Variants in ANKRD55 observed in about 807,000 individuals in gnomAD.
The protein encoded by ANKRD55 is ankyrin repeat domain-containing protein 55.
ANKRD55 carries 41 observed loss-of-function variants against 60.6 expected under a neutral mutation model. The ratio of observed to expected loss-of-function variants is 0.68; its 90% CI spans 0.53 to 0.88. The LOEUF (loss-of-function observed/expected upper bound fraction) is 0.88, where lower values mean the gene tolerates loss of function less well. Among genes scored for constraint, ANKRD55 ranks in the 40% least tolerant of loss-of-function variants. The pLI is 0.00. For synonymous variants in ANKRD55, 264 were observed against 290.3 expected, an observed-to-expected ratio of 0.91 and a Z score of 0.92; for missense variants, 732 against 767.6, an observed-to-expected ratio of 0.95 and a Z score of 0.55.
chr5:56,216,296 C>G (rs1759806343), intron 2 of ANKRD55, among the ~76,000 whole-genome samples: 1 of 152,090 alleles, frequency 6.6e-6, no homozygotes, highest in African/African-American at 2.4e-5. Context: ...TCTCTGACTG[C>G]TCCACTGACC....
intron 7 of ANKRD55, chr5:56,137,520 G>T (rs1757639017): frequency 1.3e-6 from 1 of 774,576 alleles, no homozygotes; most frequent in Non-Finnish European, 2.3e-6. Context: ...AAAACTTATG[G>T]CACGAGAGTA....
Position 56,226,481 on chromosome 5 carries a change from T to C in ANKRD55, c.58+6375A>G, listed in dbSNP as rs373036385. Among the ~76,000 whole-genome samples the C allele has an allele frequency of 9.4e-4, 142 of 151,336 alleles. 3 individuals are homozygous for C. In the Middle Eastern group the frequency reaches 0.027, roughly 29 times the overall value. ...GGCAACAAAAGCCAAAATTGACAAA[T>C]GGGATCTAATTAAACTAGAGAGCTT... is the stretch of plus-strand genomic sequence containing the variant. On this transcript the variant is annotated intron_variant, in intron 2 of 11. Transcript: ENST00000341048.
rs185634416 is a variant in ANKRD55 at position 56,104,012 on chromosome 5, C to T, written c.1631-1426G>A. On this transcript the variant is annotated intron_variant, in intron 10 of 11. Transcript: ENST00000341048. ...ATATTTTATCCTTTTGAACACTGAA[C>T]ATCAAATAACTTCAGGAGCCATTAT... 2.0e-5 allele frequency among the ~76,000 whole-genome samples: 3 copies of T among 152,206 alleles called. No homozygotes were observed. In the East Asian group the frequency reaches 5.8e-4, roughly 29 times the overall value.
intron 2 of ANKRD55, among the ~76,000 whole-genome samples, chr5:56,209,392 TCA>T: frequency 6.6e-6 from 1 of 152,344 alleles, no homozygotes; most frequent in South Asian, 2.1e-4. Flanking sequence ...ACTGGGCATT[TCA>T]ATAGCTTACT....
intron 4 of ANKRD55, among the ~76,000 whole-genome samples, chr5:56,174,830 C>CA (rs59849503): frequency 0.037 from 2,390 of 64,452 alleles, 68 homozygotes; most frequent in African/African-American, 0.082. Context: ...GACTCTGTCT[C>CA]AAAAAAAAAA....
chr5:56,173,582 C>CTCTCTATATA (rs1484157730), intron 4 of ANKRD55, among the ~76,000 whole-genome samples: 5 of 45,244 alleles, frequency 1.1e-4, no homozygotes, highest in Admixed American at 3.5e-4. Context: ...CTCTCTCTCT[C>CTCTCTATATA]TATATATATA....
At chr5:56,202,921 T>G (rs1387987789) in intron 2 of ANKRD55, among the ~76,000 whole-genome samples, 2 of 152,212 alleles carry the variant, frequency 1.3e-5, no homozygotes, top group Non-Finnish European at 2.9e-5. Flanking sequence ...GTGTTGAAAT[T>G]CAGTAAAGAT....
chr5:56,121,709 C>T (rs886793808), intron 8 of ANKRD55, among the ~76,000 whole-genome samples: 1 of 152,060 alleles, frequency 6.6e-6, no homozygotes, highest in Non-Finnish European at 1.5e-5. Flanking sequence ...GTATGCTCCA[C>T]GTGGGAGGGG....
intron 2 of ANKRD55, among the ~76,000 whole-genome samples, chr5:56,187,567 C>A (rs926036522): frequency 6.6e-6 from 1 of 152,036 alleles, no homozygotes. Context: ...TTGCTGCTGT[C>A]GCAGACCCGC....
chr5:56,183,310 C>G (rs1294600241), intron 3 of ANKRD55, among the ~76,000 whole-genome samples: 2 of 152,174 alleles, frequency 1.3e-5, no homozygotes, highest in Non-Finnish European at 2.9e-5. Flanking sequence ...CTTGACCTAT[C>G]TATTTTGGTC....
At position 56,143,943 on chromosome 5, in the gene ANKRD55, G is replaced by T. The variant is rs1757835677; in HGVS notation, c.484-14C>A. On this transcript the variant is annotated splice_polypyrimidine_tract_variant and intron_variant, in intron 6 of 11. Transcript: ENST00000341048. Reference sequence around the variant, plus strand: ...TGGTGTCATTCCCTGCAAAACAACAGTCAGAGAGGACAGAGATGAGCACAG... The same window carrying T: ...TGGTGTCATTCCCTGCAAAACAACATTCAGAGAGGACAGAGATGAGCACAG... 6.2e-7 allele frequency: 1 copy of T among 1,613,474 alleles called. No homozygotes were observed. The highest frequency in any genetic ancestry group is 1.3e-5 in the African/African-American group (1 of 74,914).
At chr5:56,109,814 C>A (rs145804070) in intron 10 of ANKRD55, among the ~76,000 whole-genome samples, 1 of 152,036 alleles carries the variant, frequency 6.6e-6, no homozygotes, top group Admixed American at 6.6e-5. Flanking sequence ...GAGGTCAGAT[C>A]GAGACCATCC....
chr5:56,102,184 G>A (rs1756301303), intron 11 of ANKRD55, among the ~76,000 whole-genome samples: 1 of 151,778 alleles, frequency 6.6e-6, no homozygotes, highest in Admixed American at 6.6e-5. Flanking sequence ...GTCAGGAGTT[G>A]GAAACCAGCC....
chr5:56,184,290 C>A (rs1758918422), intron 2 of ANKRD55, among the ~76,000 whole-genome samples: 1 of 152,226 alleles, frequency 6.6e-6, no homozygotes, highest in Non-Finnish European at 1.5e-5. Context: ...TTGGCAGAGC[C>A]AGTCTCTTCC....
At chr5:56,197,515 G>A (rs368819574) in intron 2 of ANKRD55, among the ~76,000 whole-genome samples, 2 of 152,090 alleles carry the variant, frequency 1.3e-5, no homozygotes, top group East Asian at 1.9e-4. Flanking sequence ...AATTCTCCAA[G>A]TATTTCATAG....
chr5:56,166,107 T>TTTCTTTCTTTCTTTCTTTCTTTCTTTC (rs1758452292), intron 5 of ANKRD55, among the ~76,000 whole-genome samples: 9 of 61,432 alleles, frequency 1.5e-4, no homozygotes, highest in African/African-American at 5.4e-4. Flanking sequence ...TCTTTCTTTC[T>TTTCTTTCTTTCTTTCTTTCTTTCTTTC]TTCTTTCTTT....
chr5:56,206,445 G>T (rs150401745), intron 2 of ANKRD55, among the ~76,000 whole-genome samples: 2 of 152,284 alleles, frequency 1.3e-5, no homozygotes, highest in East Asian at 3.9e-4. Context: ...AAACTCAAAA[G>T]TGATCATTGA....
chr5:56,149,001 A>T (rs1261133189), intron 6 of ANKRD55, among the ~76,000 whole-genome samples: 1 of 152,068 alleles, frequency 6.6e-6, no homozygotes, highest in Admixed American at 6.6e-5. Context: ...ATATATGATC[A>T]CCCCCAACAA....
At chr5:56,146,066 T>C (rs1305519641) in intron 6 of ANKRD55, among the ~76,000 whole-genome samples, 1 of 152,158 alleles carries the variant, frequency 6.6e-6, no homozygotes, top group Non-Finnish European at 1.5e-5. Flanking sequence ...CGTTTCCCAG[T>C]TCTTAGTCCC....
Sources: allele counts gnomAD v4.1 joint callset (sites outside exome capture counted in the v4.1 genomes callset), GRCh38; gene constraint gnomAD v4.1.1; transcripts MANE v1.5; gene names NCBI Gene and HGNC (gene_info 2026-07-23, HGNC 2026-07-21).